The following SLC19A1 variants were observed in gnomAD, a reference collection of about 807,000 sequenced individuals.
SLC19A1 encodes reduced folate transporter.
A neutral mutation model predicts 35.3 loss-of-function variants in SLC19A1; 37 were observed. That is an observed-to-expected ratio of 1.05 (90% CI 0.81 to 1.38). The LOEUF (loss-of-function observed/expected upper bound fraction) is 1.38, where lower values mean the gene tolerates loss of function less well. Ranked by LOEUF, SLC19A1 falls within the 40% of genes most tolerant of loss-of-function variation. The probability of loss-of-function intolerance (pLI) is 0.00; values close to 1 mark genes in which losing one functional copy is unlikely to be tolerated. For synonymous variants in SLC19A1, 460 were observed against 398.5 expected (o/e 1.15, Z -1.84); for missense variants, 831 against 826.9 (o/e 1.00, Z -0.06).
At chr21:45,510,341 C>T (rs1369795525), downstream of SLC19A1, 13 of 1,441,100 alleles carry the variant, frequency 9.0e-6, no homozygotes, top group Non-Finnish European at 1.2e-5. Flanking sequence ...GGGGAGCTCC[C>T]CTCTAGGGCC....
Position 45,516,111 on chromosome 21 carries a change from G to C in SLC19A1, c.1323C>G (p.Ile441Met). The C allele has an allele frequency of 6.2e-6, 10 of 1,607,926 alleles. No homozygotes were observed. The highest frequency in any genetic ancestry group is 6.8e-6 in the Non-Finnish European group (8 of 1,178,108). Residue 441 changes from isoleucine to methionine, a missense_variant, in exon 6 of 6, where the codon ATC (isoleucine) becomes ATG (methionine). Coordinates refer to ENST00000311124, the MANE Select transcript of SLC19A1 (RefSeq NM_194255.4). Reference protein sequence around the residue: ...QFQLYSVYFLILSIIYFLGAM... With the variant: ...QFQLYSVYFLMLSIIYFLGAM... ...CCCCCAAGAAGTAGATGATGGACAG[G>C]ATCAGGAAGTACACGGAGTATAACT...
intron 1 of SLC19A1, among the ~76,000 whole-genome samples, chr21:45,553,354 G>A (rs757933741): frequency 3.7e-4 from 56 of 152,070 alleles, no homozygotes; most frequent in Non-Finnish European, 5.6e-4. Flanking sequence ...GAGGGTCCCC[G>A]GGATAAAGTC....
chr21:45,559,452 C>T (rs1346100327), intron 1 of SLC19A1, among the ~76,000 whole-genome samples: 2 of 152,180 alleles, frequency 1.3e-5, no homozygotes, highest in Non-Finnish European at 2.9e-5. Flanking sequence ...CAGCATCCTC[C>T]GGAGACCACG....
chr21:45,507,687 G>A (rs2146103713), downstream of SLC19A1: 1 of 1,187,962 alleles, frequency 8.4e-7, no homozygotes, highest in Middle Eastern at 1.9e-4. Context: ...GTGGTCCTTT[G>A]GAGTCCTGGA....
chr21:45,515,491 C>G lies in SLC19A1; in HGVS notation c.*167G>C. The G allele has an allele frequency of 6.6e-7, 1 of 1,504,762 alleles. No homozygotes were observed. The highest frequency in any genetic ancestry group is 8.8e-7 in the Non-Finnish European group (1 of 1,139,882). The allele number at this position is 1,504,762 out of a possible 1,614,324, so 93.2% of individuals were successfully genotyped here. On this transcript the variant is annotated 3_prime_UTR_variant, in exon 6 of 6. Coordinates refer to ENST00000311124, the MANE Select transcript of SLC19A1 (RefSeq NM_194255.4). ...AGGCAGCTGCCCTGAGTGTCGCCAG[C>G]ACGCTGTGGCCACCGCCAGAGTGCG... is the stretch of plus-strand genomic sequence containing the variant.
At position 45,515,011 on chromosome 21, in the gene SLC19A1, C is replaced by A. The variant is rs916499894; in HGVS notation, c.*647G>T. ...CACACTTCAGAAGGACAGACAGGAC[C>A]ATGGAGGGCTGCCCTTAGGGTGGGA... On this transcript the variant is annotated 3_prime_UTR_variant, in exon 6 of 6. Coordinates refer to ENST00000311124, the MANE Select transcript of SLC19A1 (RefSeq NM_194255.4). 3 of 1,531,580 alleles carry A rather than the reference C, an allele frequency of 2.0e-6. No individual in the cohort carries two copies. The African/African-American group carries it at 4.2e-5, about 21-fold the overall frequency. The allele number at this position is 1,531,580 out of a possible 1,614,324, so 94.9% of individuals were successfully genotyped here.
intron 5 of SLC19A1, among the ~76,000 whole-genome samples, chr21:45,516,812 G>A (rs1361307448): frequency 2.0e-5 from 3 of 152,174 alleles, no homozygotes; most frequent in Non-Finnish European, 2.9e-5. Flanking sequence ...TCCGTGGGCA[G>A]AGCCCAGTGA....
At chr21:45,527,231 A>AGTCAGTT (rs1225775166) in intron 4 of SLC19A1, among the ~76,000 whole-genome samples, 1 of 129,326 alleles carries the variant, frequency 7.7e-6, no homozygotes, top group African/African-American at 3.0e-5. Context: ...GGTGAGTGGC[A>AGTCAGTT]ATTGGGGGGG....
intron 5 of SLC19A1, among the ~76,000 whole-genome samples, chr21:45,522,365 T>G (rs1293486970): frequency 6.6e-6 from 1 of 152,212 alleles, no homozygotes; most frequent in African/African-American, 2.4e-5. Context: ...ACGCTGTGAC[T>G]GGATCTCTCA....
chr21:45,529,659 C>T (rs1359950325), intron 4 of SLC19A1, among the ~76,000 whole-genome samples: 3 of 148,454 alleles, frequency 2.0e-5, no homozygotes, highest in Non-Finnish European at 3.0e-5. Flanking sequence ...CATGTGTGAA[C>T]GTGTGGTGTG....
intron 5 of SLC19A1, among the ~76,000 whole-genome samples, chr21:45,523,838 A>G (rs2077511857): frequency 6.6e-6 from 1 of 152,184 alleles, no homozygotes; most frequent in African/African-American, 2.4e-5. Flanking sequence ...GGACAGAGGT[A>G]ACTCGGGGCT....
chr21:45,510,987 CCACACACACAA>C, downstream of SLC19A1: 1 of 38,670 alleles, frequency 2.6e-5, no homozygotes, highest in Non-Finnish European at 5.0e-5. Flanking sequence ...CCCCCACACC[CCACACACACAA>C]CACACCCCCC....
upstream of SLC19A1, among the ~76,000 whole-genome samples, chr21:45,547,438 C>T (rs572821396): frequency 3.3e-5 from 5 of 152,298 alleles, no homozygotes; most frequent in East Asian, 1.9e-4. Context: ...CAGGGAAAGC[C>T]GACCAACTTT....
Position 45,515,362 on chromosome 21 carries a change from C to T in SLC19A1, c.*296G>A, listed in dbSNP as rs1276755083. 5 of 1,437,778 alleles carry T rather than the reference C, an allele frequency of 3.5e-6. No homozygotes were observed. Among genetic ancestry groups the T allele is most frequent in the Non-Finnish European group, 4.5e-6 (5 of 1,105,836 alleles). The allele number at this position is 1,437,778 out of a possible 1,614,324, so 89.1% of individuals were successfully genotyped here. A position where few individuals can be genotyped will look rare whatever the true frequency, so the allele number is the denominator to read the frequency against. ...GGGGCAGAAAGGATTTGTCTCAAGC[C>T]CCCCAAGGGGCATGAGCCAGTGAGG... On this transcript the variant is annotated 3_prime_UTR_variant, in exon 6 of 6. Transcript: ENST00000311124.
At chr21:45,562,129 C>CAAAAAAAAA (rs34594751) in intron 1 of SLC19A1, among the ~76,000 whole-genome samples, 1 of 121,620 alleles carries the variant, frequency 8.2e-6, no homozygotes, top group Non-Finnish European at 1.7e-5. Flanking sequence ...GACTCTGTCT[C>CAAAAAAAAA]AAAAAAAAAA....
At chr21:45,506,304 G>C (rs2037200527) in intron 3 of SLC19A1, 2 of 373,532 alleles carry the variant, frequency 5.4e-6, no homozygotes, top group Non-Finnish European at 1.0e-5. Flanking sequence ...GCGGCAGGGG[G>C]GCTCAGGCCC....
downstream of SLC19A1, among the ~76,000 whole-genome samples, chr21:45,507,906 G>C (rs2037318939): frequency 6.6e-6 from 1 of 152,200 alleles, no homozygotes; most frequent in Non-Finnish European, 1.5e-5. Context: ...TCCACATCTT[G>C]TGTCTTTGCC....
At chr21:45,523,873 C>A (rs919556378) in intron 5 of SLC19A1, among the ~76,000 whole-genome samples, 1 of 152,182 alleles carries the variant, frequency 6.6e-6, no homozygotes, top group East Asian at 1.9e-4. Flanking sequence ...GACCTCCTCC[C>A]GGGTGCTGGA....
At chr21:45,511,325 A>AATCTT, downstream of SLC19A1, 3 of 712,224 alleles carry the variant, frequency 4.2e-6, no homozygotes, top group East Asian at 2.7e-5. Context: ...TTTTTGGACA[A>AATCTT]ATCTTATACA....
Sources: gnomAD v4.1 joint callset for allele counts (sites outside exome capture counted in the v4.1 genomes callset) on GRCh38, gnomAD v4.1.1 for gene constraint, MANE v1.5 for transcripts, NCBI Gene and HGNC (gene_info 2026-07-23, HGNC 2026-07-21) for gene names.